The following GSE1 variants were observed in gnomAD, a reference collection of about 807,000 sequenced individuals.
GSE1 encodes Gse1 coiled-coil protein.
Under a neutral mutation model 112.6 loss-of-function variants are expected in GSE1, and 32 were observed. The ratio of observed to expected loss-of-function variants is 0.28; its 90% CI spans 0.21 to 0.38. The LOEUF is 0.38. Among genes scored for constraint, GSE1 ranks in the 10% least tolerant of loss-of-function variants. The pLI, the probability that GSE1 is intolerant of heterozygous loss-of-function variation, is 1.00. For missense variants in GSE1, 2,348 were observed against 1,699.2 expected (o/e 1.38, Z -6.71); for synonymous variants, 1,115 against 735.6 (o/e 1.52, Z -8.35).
At chr16:85,552,413 C>G (rs555838487), upstream of GSE1, among the ~76,000 whole-genome samples, 6 of 118,466 alleles carry the variant, frequency 5.1e-5, 2 homozygotes, top group Non-Finnish European at 7.5e-5. Flanking sequence ...CTCACTGCAA[C>G]CTCCGCCTCC....
At chr16:85,312,213 G>C (rs899791103) in intron 1 of GSE1, among the ~76,000 whole-genome samples, 2 of 149,538 alleles carry the variant, frequency 1.3e-5, no homozygotes, top group Non-Finnish European at 1.5e-5. Context: ...GCGGGGGGGG[G>C]GGGGACACAC....
chr16:85,636,743 G>C (rs569890886), intron 2 of GSE1, among the ~76,000 whole-genome samples: 17 of 152,308 alleles, frequency 1.1e-4, no homozygotes, highest in African/African-American at 4.1e-4. Flanking sequence ...TGGTCCCGGC[G>C]GTCCCTGCTG....
At chr16:85,635,411 G>C (rs1352697384) in intron 2 of GSE1, among the ~76,000 whole-genome samples, 6 of 152,202 alleles carry the variant, frequency 3.9e-5, no homozygotes, top group Non-Finnish European at 8.8e-5. Context: ...AGCGGGCCAG[G>C]TTGCATGGGC....
At chr16:85,214,065 A>G (rs902843963) in intron 1 of GSE1, among the ~76,000 whole-genome samples, 1 of 152,200 alleles carries the variant, frequency 6.6e-6, no homozygotes, top group Non-Finnish European at 1.5e-5. Context: ...ATAATATCCC[A>G]TAATAGGGCC....
intron 1 of GSE1, among the ~76,000 whole-genome samples, chr16:85,340,493 T>G (rs1274621489): frequency 6.6e-6 from 1 of 151,752 alleles, no homozygotes; most frequent in Non-Finnish European, 1.5e-5. Context: ...TACAAAAAAT[T>G]AGCTGGGTGT....
At chr16:85,629,057 C>T (rs946122090) in intron 1 of GSE1, among the ~76,000 whole-genome samples, 1 of 152,174 alleles carries the variant, frequency 6.6e-6, no homozygotes, top group African/African-American at 2.4e-5. Flanking sequence ...AAGCCTGGGA[C>T]CTCCCCACTC....
At chr16:85,312,881 C>T (rs2045892798) in intron 1 of GSE1, among the ~76,000 whole-genome samples, 1 of 152,126 alleles carries the variant, frequency 6.6e-6, no homozygotes, top group African/African-American at 2.4e-5. Context: ...ACTGTCCAAC[C>T]CTGTCTAGGC....
intron 2 of GSE1, among the ~76,000 whole-genome samples, chr16:85,482,074 G>A (rs978596362): frequency 2.0e-5 from 3 of 152,252 alleles, no homozygotes; most frequent in South Asian, 2.1e-4. Flanking sequence ...GAAGGGAGCC[G>A]CTGTTGTGGA....
intron 2 of GSE1, among the ~76,000 whole-genome samples, chr16:85,358,936 C>T (rs750593443): frequency 6.6e-6 from 1 of 152,238 alleles, no homozygotes; most frequent in African/African-American, 2.4e-5. Context: ...TTCCCTGCTC[C>T]GTGCCTCAGT....
chr16:85,667,244 C>T (rs1047275300), intron 13 of GSE1, among the ~76,000 whole-genome samples: 2 of 152,254 alleles, frequency 1.3e-5, no homozygotes, highest in African/African-American at 2.4e-5. Context: ...TTATTCTGAC[C>T]TTGTCCTGGC....
intron 2 of GSE1, among the ~76,000 whole-genome samples, chr16:85,451,795 C>T (rs868331639): frequency 6.9e-6 from 1 of 144,852 alleles, no homozygotes. Context: ...TGGTTGGTGC[C>T]TGCGCTGGTG....
intron 3 of GSE1, among the ~76,000 whole-genome samples, chr16:85,652,262 C>T (rs2051424191): frequency 6.6e-6 from 1 of 152,260 alleles, no homozygotes; most frequent in African/African-American, 2.4e-5. Flanking sequence ...CGAGGCACGA[C>T]AGGATGGCCA....
chr16:85,640,567 CGA>C (rs2050357910), intron 2 of GSE1, among the ~76,000 whole-genome samples: 1 of 152,164 alleles, frequency 6.6e-6, no homozygotes, highest in Non-Finnish European at 1.5e-5. Context: ...CACCTGAAAC[CGA>C]GATCCCACCT....
In GSE1 at chr16:85,409,246, C is replaced by T. The variant is rs551212023; in HGVS notation, c.2464+51603C>T. On this transcript the variant is annotated intron_variant, in intron 2 of 2. Coordinates refer to the GSE1 transcript ENST00000637419. ...ATCCTCACTGTTACTCTCAGGCCCC[C>T]CGGATAATCCTCACTGTTGCACTCA... 1.4e-3 allele frequency among the ~76,000 whole-genome samples: 62 copies of T among 44,618 alleles called. 9 individuals are homozygous for T. Among genetic ancestry groups the T allele is most frequent in the African/African-American group, 6.8e-3 (57 of 8,382 alleles). 29.3% of individuals were successfully genotyped at this position (44,618 alleles called of 152,430 possible). A position where few individuals can be genotyped will look rare whatever the true frequency, so the allele number is the denominator to read the frequency against.
chr16:85,626,520 G>A (rs2049082215), intron 1 of GSE1, among the ~76,000 whole-genome samples: 1 of 152,250 alleles, frequency 6.6e-6, no homozygotes. Flanking sequence ...ACCAAGAGGG[G>A]TGATTAGAGA....
intron 2 of GSE1, among the ~76,000 whole-genome samples, chr16:85,494,448 G>T (rs994881709): frequency 1.5e-5 from 2 of 133,518 alleles, no homozygotes; most frequent in African/African-American, 6.1e-5. Context: ...TCCAAATAAG[G>T]TCACCTTTTT....
chr16:85,494,216 T>TC, intron 2 of GSE1, among the ~76,000 whole-genome samples: 2 of 152,344 alleles, frequency 1.3e-5, no homozygotes, highest in East Asian at 3.9e-4. Flanking sequence ...AGGGCCGTGC[T>TC]CCCTGTGCAG....
chr16:85,227,976 T>C (rs1057136625), intron 1 of GSE1, among the ~76,000 whole-genome samples: 1 of 151,028 alleles, frequency 6.6e-6, no homozygotes, highest in African/African-American at 2.4e-5. Context: ...AGGGAATACC[T>C]CAGGAGGGGG....
chr16:85,412,740 A>G (rs2048604813), intron 2 of GSE1, among the ~76,000 whole-genome samples: 1 of 151,980 alleles, frequency 6.6e-6, no homozygotes, highest in Non-Finnish European at 1.5e-5. Context: ...CCCCCGGATA[A>G]TCCTCACCGT....
Sources: allele counts gnomAD v4.1 joint callset (sites outside exome capture counted in the v4.1 genomes callset), GRCh38; gene constraint gnomAD v4.1.1; transcripts MANE v1.5; gene names NCBI Gene and HGNC (gene_info 2026-07-23, HGNC 2026-07-21).